Variants in PTPRD observed in about 807,000 individuals in gnomAD.
PTPRD encodes receptor-type tyrosine-protein phosphatase delta.
In PTPRD, 34 loss-of-function variants were observed where a neutral mutation model predicts 214.5. That is an observed-to-expected ratio of 0.16 (90% CI 0.12 to 0.21). The LOEUF is 0.21. Ranked by LOEUF, PTPRD falls within the 10% of genes least tolerant of loss-of-function variation. PTPRD has a pLI of 1.00. For missense variants in PTPRD, 2,545 were observed against 2,398.7 expected, an observed-to-expected ratio of 1.06 and a Z score of -1.27; for synonymous variants, 1,128 against 845.7, an observed-to-expected ratio of 1.33 and a Z score of -5.79.
At chr9:9,864,827 C>T (rs961083134) in intron 5 of PTPRD, among the ~76,000 whole-genome samples, 2 of 152,090 alleles carry the variant, frequency 1.3e-5, no homozygotes, top group Non-Finnish European at 1.5e-5. Context: ...CTTCTGTGCA[C>T]TTCGTAGTAA....
At chr9:9,150,334 G>C (rs62529505) in intron 10 of PTPRD, among the ~76,000 whole-genome samples, 9,157 of 151,190 alleles carry the variant, frequency 0.061, 383 homozygotes, top group Admixed American at 0.097. Flanking sequence ...GCTAGCGTAG[G>C]GTTGGGGGAT....
intron 2 of PTPRD, among the ~76,000 whole-genome samples, chr9:10,567,022 T>C (rs1255075810): frequency 6.6e-6 from 1 of 152,136 alleles, no homozygotes; most frequent in East Asian, 1.9e-4. Flanking sequence ...CTTTCCTTCC[T>C]GAGCAATCCC....
chr9:9,067,107 G>A (rs546821154), intron 10 of PTPRD, among the ~76,000 whole-genome samples: 8 of 152,280 alleles, frequency 5.3e-5, no homozygotes, highest in Admixed American at 4.6e-4. Context: ...AGCCCTCGTG[G>A]TGGCACATGA....
intron 5 of PTPRD, among the ~76,000 whole-genome samples, chr9:9,836,053 C>A (rs1440047362): frequency 6.6e-6 from 1 of 152,128 alleles, no homozygotes; most frequent in African/African-American, 2.4e-5. Flanking sequence ...TGTTACTGCT[C>A]ACATCTTTCT....
chr9:9,634,525 C>T (rs2095693245), intron 7 of PTPRD, among the ~76,000 whole-genome samples: 1 of 152,090 alleles, frequency 6.6e-6, no homozygotes, highest in African/African-American at 2.4e-5. Flanking sequence ...ATTTAAAATT[C>T]ACATAATTGT....
chr9:8,422,248 G>C (rs747474361), intron 35 of PTPRD, among the ~76,000 whole-genome samples: 3 of 147,926 alleles, frequency 2.0e-5, no homozygotes, highest in Non-Finnish European at 3.0e-5. Flanking sequence ...TATCACACAA[G>C]TTTATTTCTC....
intron 2 of PTPRD, among the ~76,000 whole-genome samples, chr9:10,394,914 A>T (rs1302432110): frequency 6.7e-6 from 1 of 148,752 alleles, no homozygotes; most frequent in East Asian, 2.0e-4. Flanking sequence ...TTTAATATGC[A>T]TTTACTGAAT....
chr9:9,211,080 A>AGTGT (rs142322627), intron 9 of PTPRD, among the ~76,000 whole-genome samples: 18 of 150,788 alleles, frequency 1.2e-4, no homozygotes, highest in Admixed American at 4.0e-4. Context: ...CATGTGTGTG[A>AGTGT]GTGTGTGTGT....
At position 10,403,227 on chromosome 9, in the gene PTPRD, A is replaced by AATATATATATATATATATATATATATAT. The variant is rs58712564; in HGVS notation, c.-599-62238_-599-62211dup. 3.3e-5 allele frequency among the ~76,000 whole-genome samples: 2 copies of AATATATATATATATATATATATATATAT among 59,878 alleles called. 1 individual carries two copies. Among genetic ancestry groups the AATATATATATATATATATATATATATAT allele is most frequent in the Non-Finnish European group, 7.0e-5 (2 of 28,704 alleles). The allele number at this position is 59,878 out of a possible 152,430, so 39.3% of individuals were successfully genotyped here. ...TTTCTGTTATTTGTGTGTGTGTGTA[A>AATATATATATATATATATATATATATAT]ATATATATATATATATATATATATA... On this transcript the variant is annotated intron_variant, in intron 2 of 45. Coordinates refer to ENST00000381196, the MANE Select transcript of PTPRD (RefSeq NM_002839.4).
chr9:10,404,246 G>A (rs374143367), intron 2 of PTPRD, among the ~76,000 whole-genome samples: 40 of 151,894 alleles, frequency 2.6e-4, no homozygotes, highest in African/African-American at 9.4e-4. Flanking sequence ...GGTGGTGGAA[G>A]GTGGTTATAG....
intron 5 of PTPRD, among the ~76,000 whole-genome samples, chr9:9,844,577 A>G (rs548378087): frequency 6.6e-6 from 1 of 152,146 alleles, no homozygotes; most frequent in South Asian, 2.1e-4. Context: ...AAAGGAATTG[A>G]TATGACATAT....
intron 14 of PTPRD, among the ~76,000 whole-genome samples, chr9:8,571,360 T>C (rs1300731273): frequency 6.6e-6 from 1 of 152,090 alleles, no homozygotes; most frequent in Non-Finnish European, 1.5e-5. Flanking sequence ...ACATGCACTC[T>C]CAGACATCTA....
chr9:9,022,700 A>G (rs1303269954), intron 10 of PTPRD, among the ~76,000 whole-genome samples: 2 of 152,226 alleles, frequency 1.3e-5, no homozygotes, highest in African/African-American at 2.4e-5. Context: ...TAAGATTTTC[A>G]AAGAAGTCAA....
At chr9:9,077,897 T>TAA (rs996392200) in intron 10 of PTPRD, among the ~76,000 whole-genome samples, 1 of 152,084 alleles carries the variant, frequency 6.6e-6, no homozygotes, top group Non-Finnish European at 1.5e-5. Flanking sequence ...GAATGAGCTC[T>TAA]AAAATAAATA....
rs916449531 is a variant in PTPRD, at chr9:8,710,445, G to A, written c.64+23335C>T. Among the ~76,000 whole-genome samples, 10 of 151,926 alleles carry A rather than the reference G, an allele frequency of 6.6e-5. No homozygotes were observed. The East Asian group carries it at 7.7e-4, about 12-fold the overall frequency. ...AGCCTGGGCAACATGGCAAAACCCC[G>A]TCTCTACAAAAAATACAAAAATTAG... On this transcript the variant is annotated intron_variant, in intron 12 of 45. Transcript: ENST00000381196.
intron 9 of PTPRD, among the ~76,000 whole-genome samples, chr9:9,254,976 T>C (rs1269127765): frequency 6.6e-6 from 1 of 152,112 alleles, no homozygotes; most frequent in Non-Finnish European, 1.5e-5. Context: ...TGTAAAATTC[T>C]GACAAAGATT....
At chr9:9,071,409 G>A (rs2099743534) in intron 10 of PTPRD, among the ~76,000 whole-genome samples, 1 of 152,138 alleles carries the variant, frequency 6.6e-6, no homozygotes, top group East Asian at 1.9e-4. Flanking sequence ...TCAGGTAAAA[G>A]CCCTTACAAA....
At chr9:10,330,993 T>G (rs1279436372) in intron 3 of PTPRD, among the ~76,000 whole-genome samples, 2 of 151,770 alleles carry the variant, frequency 1.3e-5, no homozygotes, top group African/African-American at 4.8e-5. Flanking sequence ...CCTTGTGGAT[T>G]TCAGTTTTGT....
intron 4 of PTPRD, among the ~76,000 whole-genome samples, chr9:10,013,727 G>C (rs1396102954): frequency 1.3e-5 from 2 of 151,894 alleles, no homozygotes; most frequent in Non-Finnish European, 2.9e-5. Context: ...GACAACTTCA[G>C]AATTGTTTTT....
Sources: allele counts gnomAD v4.1 joint callset (sites outside exome capture counted in the v4.1 genomes callset), GRCh38; gene constraint gnomAD v4.1.1; transcripts MANE v1.5; gene names NCBI Gene and HGNC (gene_info 2026-07-23, HGNC 2026-07-21).